Variants in PRRX2 observed in about 807,000 individuals in gnomAD.
The protein encoded by PRRX2 is paired mesoderm homeobox protein 2.
PRRX2 carries 11 observed loss-of-function variants against 18.0 expected under a neutral mutation model. The ratio of observed to expected loss-of-function variants is 0.61; its 90% CI spans 0.39 to 1.01. The LOEUF (loss-of-function observed/expected upper bound fraction) is 1.01, where lower values mean the gene tolerates loss of function less well. Among genes scored for constraint, PRRX2 ranks in the 50% least tolerant of loss-of-function variants. The pLI is 0.01. For missense variants in PRRX2, 387 were observed against 351.0 expected, an observed-to-expected ratio of 1.10 and a Z score of -0.82; for synonymous variants, 177 against 154.8, an observed-to-expected ratio of 1.14 and a Z score of -1.06.
At position 129,719,380 on chromosome 9, in the gene PRRX2, C is replaced by T; in HGVS notation, c.409C>T (p.Leu137Phe). ...CCCCGACGCCTTTGTGCGCGAGGAG[C>T]TTGCCCGGCGCGTCAACCTCAGCGA... Reference protein sequence around the residue: ...HYPDAFVREELARRVNLSEAR... With the variant: ...HYPDAFVREEFARRVNLSEAR... Residue 137 changes from leucine to phenylalanine, a missense_variant, in exon 2 of 4, where the codon CTT (leucine) becomes TTT (phenylalanine). Transcript: ENST00000372469. 1 of 1,556,774 alleles carries T rather than the reference C, an allele frequency of 6.4e-7. No individual in the cohort carries two copies. Among genetic ancestry groups the T allele is most frequent in the Non-Finnish European group, 8.7e-7 (1 of 1,151,702 alleles).
At chr9:129,720,282 C>T (rs111512801) in intron 2 of PRRX2, among the ~76,000 whole-genome samples, 4 of 152,082 alleles carry the variant, frequency 2.6e-5, no homozygotes, top group Admixed American at 6.5e-5. Context: ...CCTCTCCCCC[C>T]GAGTGCTCAG....
chr9:129,680,621 G>A (rs560552695), intron 1 of PRRX2, among the ~76,000 whole-genome samples: 141 of 152,184 alleles, frequency 9.3e-4, no homozygotes, highest in Non-Finnish European at 1.2e-3. Context: ...CTGGGTGTCA[G>A]GAGCTTGCCT....
intron 1 of PRRX2, among the ~76,000 whole-genome samples, chr9:129,698,763 G>A (rs1380888236): frequency 6.6e-6 from 1 of 152,232 alleles, no homozygotes; most frequent in Non-Finnish European, 1.5e-5. Context: ...CAGGCCCAGA[G>A]AGGAGCGGTC....
intron 1 of PRRX2, among the ~76,000 whole-genome samples, chr9:129,705,391 C>T (rs2130927118): frequency 6.6e-6 from 1 of 152,294 alleles, no homozygotes. Flanking sequence ...TGCCTGTGAA[C>T]AGGAGGCAAA....
chr9:129,696,213 G>A (rs1429722554), intron 1 of PRRX2, among the ~76,000 whole-genome samples: 3 of 152,114 alleles, frequency 2.0e-5, no homozygotes, highest in African/African-American at 7.2e-5. Context: ...GGGTCCTAAT[G>A]CTCACAGCCC....
intron 1 of PRRX2, among the ~76,000 whole-genome samples, chr9:129,668,298 G>C (rs185916649): frequency 6.3e-4 from 96 of 152,328 alleles, no homozygotes; most frequent in Non-Finnish European, 1.2e-3. Flanking sequence ...TCGACCCTTT[G>C]AAAGTGGGCA....
At chr9:129,685,267 C>T (rs1435098455) in intron 1 of PRRX2, among the ~76,000 whole-genome samples, 2 of 152,268 alleles carry the variant, frequency 1.3e-5, no homozygotes, top group Non-Finnish European at 2.9e-5. Flanking sequence ...CATTAAGCAC[C>T]ATGGCAAGTA....
chr9:129,676,123 T>G (rs969058257), intron 1 of PRRX2, among the ~76,000 whole-genome samples: 4 of 152,148 alleles, frequency 2.6e-5, no homozygotes, highest in Non-Finnish European at 5.9e-5. Flanking sequence ...CCTGGGAGCC[T>G]CCTTCTCCTT....
chr9:129,677,755 C>G (rs189212434), intron 1 of PRRX2, among the ~76,000 whole-genome samples: 14 of 152,380 alleles, frequency 9.2e-5, no homozygotes, highest in African/African-American at 3.4e-4. Context: ...CCCACCACCA[C>G]ATCCCTGCGG....
At position 129,675,992 on chromosome 9, in the gene PRRX2, T is replaced by G. The variant is rs1209318051; in HGVS notation, c.259+9866T>G. ...TCAAGATGGTGCCTCAGGCAGCTGG[T>G]CCAGCCAGTGGGCAGCCGGTGGGCA... On this transcript the variant is annotated intron_variant, in intron 1 of 3. Transcript: ENST00000372469. The surrounding 1 kb of genome is among the most constrained non-coding windows in gnomAD (Gnocchi z 4.4). Among the ~76,000 whole-genome samples the G allele has an allele frequency of 1.3e-5, 2 of 152,184 alleles. No individual in the cohort carries two copies. The highest frequency in any genetic ancestry group is 6.5e-5 in the Admixed American group (1 of 15,282).
At position 129,709,903 on chromosome 9, in the gene PRRX2, T is replaced by C. The variant is rs1414643557; in HGVS notation, c.260-9328T>C. Among the ~76,000 whole-genome samples the C allele has an allele frequency of 6.6e-6, 1 of 151,930 alleles. No homozygotes were observed. Among genetic ancestry groups the C allele is most frequent in the African/African-American group, 2.4e-5 (1 of 41,356 alleles). ...GGCCCTTCCCATGCCTCCCCTTCAC[T>C]CAACACTCAGCACTCAACACAGATT... is the stretch of plus-strand genomic sequence containing the variant. On this transcript the variant is annotated intron_variant, in intron 1 of 3. Coordinates refer to ENST00000372469, the MANE Select transcript of PRRX2 (RefSeq NM_016307.4). This position sits in a 1 kb window ranked among gnomAD's most constrained non-coding sequence, Gnocchi z 4.2.
At chr9:129,694,774 G>A (rs763593225) in intron 1 of PRRX2, among the ~76,000 whole-genome samples, 2 of 152,156 alleles carry the variant, frequency 1.3e-5, no homozygotes, top group Non-Finnish European at 2.9e-5. Flanking sequence ...GTGTGTGTGT[G>A]TTTAAAGTAC....
chr9:129,702,940 T>C (rs572708108), intron 1 of PRRX2, among the ~76,000 whole-genome samples: 1 of 151,772 alleles, frequency 6.6e-6, no homozygotes, highest in East Asian at 1.9e-4. Context: ...AGCAAGGGGG[T>C]CGTTGAGGAA....
intron 1 of PRRX2, 114 bp downstream of exon 1, chr9:129,666,240 G>A: frequency 1.2e-6 from 1 of 860,710 alleles, no homozygotes; most frequent in Non-Finnish European, 1.4e-6. Context: ...CGCGTGGTCG[G>A]CGGCAGGACT....
At chr9:129,681,596 G>A (rs1039203196) in intron 1 of PRRX2, among the ~76,000 whole-genome samples, 1 of 152,164 alleles carries the variant, frequency 6.6e-6, no homozygotes, top group Non-Finnish European at 1.5e-5. Context: ...GTGGGGAGAT[G>A]CCCGTGTCTG....
intron 1 of PRRX2, among the ~76,000 whole-genome samples, chr9:129,690,781 C>G (rs1343829681): frequency 6.6e-6 from 1 of 151,804 alleles, no homozygotes; most frequent in African/African-American, 2.4e-5. Flanking sequence ...GCTGGGATTA[C>G]AGGCATGAGC....
At chr9:129,694,973 C>G (rs565760940) in intron 1 of PRRX2, among the ~76,000 whole-genome samples, 3 of 152,318 alleles carry the variant, frequency 2.0e-5, no homozygotes, top group African/African-American at 7.2e-5. Flanking sequence ...CCTGCAGCTT[C>G]CAGATGAAAG....
At position 129,722,416 on chromosome 9, in the gene PRRX2, G is replaced by A. The variant is rs1832806125; in HGVS notation, c.*64G>A. On this transcript the variant is annotated 3_prime_UTR_variant, in exon 4 of 4. Coordinates refer to ENST00000372469, the MANE Select transcript of PRRX2 (RefSeq NM_016307.4). ...GACAGCAATAGAAAAGGGGGCAGAC[G>A]CCCAGGAAGTGACCTTCTCCTGGAT... The A allele has an allele frequency of 2.8e-5, 44 of 1,574,872 alleles. No individual in the cohort carries two copies. The South Asian group carries it at 4.0e-4, about 14-fold the overall frequency.
rs35762677 is a variant in PRRX2, at chr9:129,675,326, G to T, written c.259+9200G>T. Among the ~76,000 whole-genome samples, 7,101 of 152,268 alleles carry T rather than the reference G, an allele frequency of 0.047. 238 individuals are homozygous for T. Among genetic ancestry groups the T allele is most frequent in the African/African-American group, 0.089 (3,703 of 41,534 alleles). ...TACCAGCCCAAGGCAGCCCAGGGGC[G>T]TGGAATGCAGGGGTGATGTGATAGG... On this transcript the variant is annotated intron_variant, in intron 1 of 3. Coordinates refer to ENST00000372469, the MANE Select transcript of PRRX2 (RefSeq NM_016307.4). This position sits in a 1 kb window ranked among gnomAD's most constrained non-coding sequence, Gnocchi z 4.4.
Sources: gnomAD v4.1 joint callset for allele counts (sites outside exome capture counted in the v4.1 genomes callset) on GRCh38, gnomAD v4.1.1 for gene constraint, Gnocchi (gnomAD v3.1) non-coding constraint, MANE v1.5 for transcripts, NCBI Gene and HGNC (gene_info 2026-07-23, HGNC 2026-07-21) for gene names.